TMEM132D: variants seen among roughly 807,000 people sequenced by gnomAD.
The protein encoded by TMEM132D is mature OL transmembrane protein.
TMEM132D carries 21 observed loss-of-function variants against 62.3 expected under a neutral mutation model. The ratio of observed to expected loss-of-function variants is 0.34; its 90% CI spans 0.24 to 0.49. The LOEUF (loss-of-function observed/expected upper bound fraction) is 0.49. TMEM132D is among the 20% of genes least tolerant of loss of function. The pLI is 0.99. For missense variants in TMEM132D, 1,346 were observed against 1,402.8 expected (o/e 0.96, Z 0.65); for synonymous variants, 621 against 575.6 (o/e 1.08, Z -1.13).
chr12:129,601,674 G>A (rs1477746054), intron 2 of TMEM132D, among the ~76,000 whole-genome samples: 1 of 152,104 alleles, frequency 6.6e-6, no homozygotes, highest in Admixed American at 6.6e-5. Flanking sequence ...AGAAGAGAGG[G>A]AGAGAGATAG....
intron 3 of TMEM132D, among the ~76,000 whole-genome samples, chr12:129,526,345 C>G (rs2137085486): frequency 6.6e-6 from 1 of 152,296 alleles, no homozygotes; most frequent in East Asian, 1.9e-4. Flanking sequence ...AGTGCAATGG[C>G]ATGATCTCGG....
intron 1 of TMEM132D, among the ~76,000 whole-genome samples, chr12:129,708,776 A>G (rs550337127): frequency 3.3e-5 from 5 of 152,272 alleles, no homozygotes; most frequent in African/African-American, 1.2e-4. Context: ...ACAGGACACC[A>G]TGTACTTTAT....
chr12:129,388,609 C>A (rs1418449842), intron 3 of TMEM132D, among the ~76,000 whole-genome samples: 1 of 122,688 alleles, frequency 8.2e-6, no homozygotes, highest in Non-Finnish European at 1.9e-5. Flanking sequence ...ACACCAACAC[C>A]AATCCAGCAC....
intron 1 of TMEM132D, among the ~76,000 whole-genome samples, chr12:129,858,749 T>A (rs111265678): frequency 1.6e-5 from 1 of 63,920 alleles, no homozygotes; most frequent in Non-Finnish European, 2.8e-5. Flanking sequence ...TGGGTGCCCT[T>A]GTAACGGAGT....
At chr12:129,636,722 G>GTGTGTGTC (rs1333024227) in intron 2 of TMEM132D, among the ~76,000 whole-genome samples, 2 of 126,810 alleles carry the variant, frequency 1.6e-5, no homozygotes, top group African/African-American at 5.9e-5. Flanking sequence ...GTGTGTGTGT[G>GTGTGTGTC]TGTGTGTGTG....
rs571428113 is a variant in TMEM132D at position 129,073,982 on chromosome 12, T to C, written c.3193A>G (p.Ile1065Val). The C allele has an allele frequency of 4.3e-6, 7 of 1,613,948 alleles. No individual in the cohort carries two copies. In the East Asian group the frequency reaches 8.9e-5, roughly 21 times the overall value. The part of the protein sequence containing the change: ...SDDEYPTRNS[I>V]VMSSEDDIKW... Reference sequence around the variant, plus strand: ...ATGTCATCCTCGCTACTCATCACGATGGAGTTCCTGGTGGGGTACTCGTCG... The same window carrying C: ...ATGTCATCCTCGCTACTCATCACGACGGAGTTCCTGGTGGGGTACTCGTCG... Residue 1065 changes from isoleucine (I) to valine (V), a missense_variant, in exon 9 of 9, where the codon ATC becomes GTC. Transcript: ENST00000422113.
chr12:129,790,662 C>T (rs1565986571), intron 1 of TMEM132D, among the ~76,000 whole-genome samples: 1 of 152,122 alleles, frequency 6.6e-6, no homozygotes, highest in African/African-American at 2.4e-5. Flanking sequence ...TTGGAAAAGG[C>T]AACATTTGAG....
chr12:129,633,532 G>T (rs905350036), intron 2 of TMEM132D, among the ~76,000 whole-genome samples: 3 of 152,132 alleles, frequency 2.0e-5, no homozygotes, highest in Non-Finnish European at 4.4e-5. Context: ...TTCCTCATGT[G>T]CATTTTAATA....
chr12:129,866,774 T>C (rs1376630671), intron 1 of TMEM132D, among the ~76,000 whole-genome samples: 1 of 152,072 alleles, frequency 6.6e-6, no homozygotes, highest in Admixed American at 6.6e-5. Context: ...TCTGGGTATA[T>C]ATCCAAAGAA....
rs536570854 is a variant in TMEM132D at position 129,750,984 on chromosome 12, A to G, written c.80-50286T>C. On this transcript the variant is annotated intron_variant, in intron 1 of 8. Transcript: ENST00000422113. ...ATACTTTAACAAAAAAGCCAAAAGT[A>G]TCACATTTAAAATCTTTGATTTCTG... Among the ~76,000 whole-genome samples the G allele has an allele frequency of 2.6e-5, 4 of 152,356 alleles. 1 individual carries two copies. The South Asian group carries it at 8.3e-4, about 32-fold the overall frequency.
At chr12:129,264,651 A>C (rs1880639165) in intron 4 of TMEM132D, among the ~76,000 whole-genome samples, 1 of 152,220 alleles carries the variant, frequency 6.6e-6, no homozygotes, top group Admixed American at 6.5e-5. Context: ...ACAATTGCAA[A>C]ATCGTGGAAC....
chr12:129,343,682 T>C (rs1593344795), intron 3 of TMEM132D, among the ~76,000 whole-genome samples: 1 of 148,584 alleles, frequency 6.7e-6, no homozygotes, highest in African/African-American at 2.5e-5. Context: ...GAGGCTGAGG[T>C]GGATGGATCA....
chr12:129,882,351 G>C (rs1436676654), intron 1 of TMEM132D, among the ~76,000 whole-genome samples: 1 of 152,068 alleles, frequency 6.6e-6, no homozygotes, highest in Non-Finnish European at 1.5e-5. Context: ...CATGAATTTA[G>C]ACAGAAAAAC....
chr12:129,443,104 C>T (rs1316240682), intron 3 of TMEM132D, among the ~76,000 whole-genome samples: 1 of 152,144 alleles, frequency 6.6e-6, no homozygotes, highest in East Asian at 1.9e-4. Context: ...TCGGCTGAGG[C>T]TGTTGTTGAA....
At position 129,417,380 on chromosome 12, in the gene TMEM132D, C is replaced by T. The variant is rs368871653; in HGVS notation, c.1116-79563G>A. 2.8e-4 allele frequency among the ~76,000 whole-genome samples: 42 copies of T among 152,262 alleles called. No homozygotes were observed. The East Asian group carries it at 7.5e-3, about 27-fold the overall frequency. On this transcript the variant is annotated intron_variant, in intron 3 of 8. Transcript: ENST00000422113. ...TAGACCAATGGAACAGAACAGAGGC[C>T]TCAGAAATAACACCACACATCTACA... is the stretch of plus-strand genomic sequence containing the variant.
intron 1 of TMEM132D, among the ~76,000 whole-genome samples, chr12:129,880,329 T>G (rs1330289191): frequency 6.6e-6 from 1 of 152,184 alleles, no homozygotes; most frequent in Non-Finnish European, 1.5e-5. Context: ...TGAAAATGCA[T>G]AACCATCAGA....
chr12:129,865,664 T>C (rs1874036534), intron 1 of TMEM132D, among the ~76,000 whole-genome samples: 1 of 152,188 alleles, frequency 6.6e-6, no homozygotes, highest in Admixed American at 6.5e-5. Context: ...AGCAAGGGTG[T>C]TCAGTCTGAC....
At chr12:129,424,611 G>A (rs1262744399) in intron 3 of TMEM132D, among the ~76,000 whole-genome samples, 1 of 150,426 alleles carries the variant, frequency 6.6e-6, no homozygotes, top group East Asian at 2.0e-4. Context: ...GGGAGGCTGA[G>A]GCAGGAGAAT....
chr12:129,660,627 G>C (rs1880212011), intron 2 of TMEM132D, among the ~76,000 whole-genome samples: 1 of 152,032 alleles, frequency 6.6e-6, no homozygotes, highest in East Asian at 1.9e-4. Context: ...TCGCCATGAA[G>C]CCTGCATGTA....
Sources: allele counts gnomAD v4.1 joint callset (sites outside exome capture counted in the v4.1 genomes callset), GRCh38; gene constraint gnomAD v4.1.1; transcripts MANE v1.5; gene names NCBI Gene and HGNC (gene_info 2026-07-23, HGNC 2026-07-21).